CACNA2D1: variants seen among roughly 807,000 people sequenced by gnomAD.
CACNA2D1 encodes the protein voltage-dependent calcium channel subunit alpha-2/delta-1.
CACNA2D1 carries 53 observed loss-of-function variants against 171.5 expected under a neutral mutation model. The ratio of observed to expected loss-of-function variants is 0.31; its 90% CI spans 0.25 to 0.39. The LOEUF is 0.39. Among genes scored for constraint, CACNA2D1 ranks in the 10% least tolerant of loss-of-function variants. CACNA2D1 has a pLI of 1.00. For synonymous variants in CACNA2D1, 442 were observed against 443.1 expected, an observed-to-expected ratio of 1.00 and a Z score of 0.03; for missense variants, 903 against 1,299.8, an observed-to-expected ratio of 0.69 and a Z score of 4.69.
At chr7:82,378,302 G>A (rs1305509507) in intron 1 of CACNA2D1, among the ~76,000 whole-genome samples, 2 of 152,152 alleles carry the variant, frequency 1.3e-5, no homozygotes, top group African/African-American at 4.8e-5. Context: ...AGAAGGCTGA[G>A]GCAGGAGGAT....
chr7:82,160,873 C>T (rs1794880768), intron 4 of CACNA2D1, among the ~76,000 whole-genome samples: 1 of 152,040 alleles, frequency 6.6e-6, no homozygotes, highest in Non-Finnish European at 1.5e-5. Context: ...TATGTGTATG[C>T]TGGGTCACTA....
intron 3 of CACNA2D1, among the ~76,000 whole-genome samples, chr7:82,325,987 G>A (rs1425105972): frequency 1.3e-5 from 2 of 152,004 alleles, no homozygotes; most frequent in Non-Finnish European, 2.9e-5. Flanking sequence ...TGTCTCAATT[G>A]CCCCATGACA....
At chr7:82,397,308 ATT>A (rs1400002727) in intron 1 of CACNA2D1, among the ~76,000 whole-genome samples, 1 of 152,168 alleles carries the variant, frequency 6.6e-6, no homozygotes, top group Non-Finnish European at 1.5e-5. Flanking sequence ...AAAATTGAAT[ATT>A]CTTATATGAA....
intron 7 of CACNA2D1, among the ~76,000 whole-genome samples, chr7:82,083,244 G>C (rs916914910): frequency 3.3e-5 from 5 of 151,946 alleles, no homozygotes; most frequent in Non-Finnish European, 5.9e-5. Context: ...GTAAGTTACT[G>C]ACAAATATAT....
intron 2 of CACNA2D1, among the ~76,000 whole-genome samples, chr7:82,339,255 G>C (rs893288571): frequency 1.3e-5 from 2 of 152,164 alleles, no homozygotes; most frequent in African/African-American, 4.8e-5. Context: ...GAGAATGTCA[G>C]CTCATAAGCA....
At chr7:82,313,770 G>A (rs1452438066) in intron 3 of CACNA2D1, among the ~76,000 whole-genome samples, 1 of 152,142 alleles carries the variant, frequency 6.6e-6, no homozygotes, top group Non-Finnish European at 1.5e-5. Flanking sequence ...GGGCAAAGTG[G>A]AAACTTTCCC....
intron 7 of CACNA2D1, among the ~76,000 whole-genome samples, chr7:82,066,790 C>T (rs949489470): frequency 7.9e-5 from 12 of 152,028 alleles, no homozygotes; most frequent in Non-Finnish European, 1.8e-4. Flanking sequence ...TTTCCGGGTG[C>T]TAACTTAATA....
At chr7:82,232,104 C>G (rs1803004310) in intron 3 of CACNA2D1, among the ~76,000 whole-genome samples, 1 of 152,032 alleles carries the variant, frequency 6.6e-6, no homozygotes, top group Non-Finnish European at 1.5e-5. Context: ...AGAATAAATA[C>G]TCAGCAATAG....
intron 31 of CACNA2D1, 25 bp downstream of exon 31, chr7:81,967,144 A>G: frequency 2.5e-6 from 4 of 1,573,088 alleles, no homozygotes; most frequent in Non-Finnish European, 3.5e-6. Flanking sequence ...TTGTACTCAA[A>G]AGTGATTTTA....
intron 1 of CACNA2D1, among the ~76,000 whole-genome samples, chr7:82,393,449 A>C (rs2129450934): frequency 6.6e-6 from 1 of 152,282 alleles, no homozygotes; most frequent in African/African-American, 2.4e-5. Context: ...ACAAAAATAA[A>C]AGCTAATAAG....
chr7:82,131,230 CTG>C (rs1406112460), intron 5 of CACNA2D1, among the ~76,000 whole-genome samples: 1 of 152,166 alleles, frequency 6.6e-6, no homozygotes, highest in African/African-American at 2.4e-5. Context: ...TAACTAATAA[CTG>C]AGTCTCAGCT....
At chr7:82,132,258 G>A (rs1209770946) in intron 5 of CACNA2D1, among the ~76,000 whole-genome samples, 1 of 152,218 alleles carries the variant, frequency 6.6e-6, no homozygotes, top group African/African-American at 2.4e-5. Context: ...AGATGAATGA[G>A]TAGAGTGTTT....
intron 1 of CACNA2D1, among the ~76,000 whole-genome samples, chr7:82,407,181 T>G (rs1275287466): frequency 6.6e-6 from 1 of 152,220 alleles, no homozygotes; most frequent in Non-Finnish European, 1.5e-5. Flanking sequence ...CTGTGACATC[T>G]GCTTACCAGA....
intron 4 of CACNA2D1, among the ~76,000 whole-genome samples, chr7:82,161,422 A>T (rs1794935165): frequency 1.3e-5 from 2 of 152,062 alleles, no homozygotes; most frequent in African/African-American, 4.8e-5. Context: ...TAATTTGATT[A>T]ATAATCTCAA....
intron 1 of CACNA2D1, among the ~76,000 whole-genome samples, chr7:82,401,001 A>G (rs926318829): frequency 2.0e-5 from 3 of 152,184 alleles, no homozygotes; most frequent in Non-Finnish European, 2.9e-5. Context: ...CAAAACCACA[A>G]TGAGATACCA....
rs148081332 is a variant in CACNA2D1 at position 82,094,224 on chromosome 7, T to A, written c.527-9324A>T. Among the ~76,000 whole-genome samples the A allele has an allele frequency of 4.2e-3, 564 of 135,724 alleles. 3 individuals carry two copies. The highest frequency in any genetic ancestry group is 7.2e-3 in the Non-Finnish European group (461 of 64,184). 89.0% of individuals were successfully genotyped at this position (135,724 alleles called of 152,430 possible). A position where few individuals can be genotyped will look rare whatever the true frequency, so the allele number is the denominator to read the frequency against. ...GTGACCCGTTGGTTTAAACATGTAC[T>A]GCTTCAGAATGAAAAGAAAAAAAAA... On this transcript the variant is annotated intron_variant, in intron 6 of 38. Coordinates refer to ENST00000356860, the MANE Select transcript of CACNA2D1 (RefSeq NM_000722.4).
intron 28 of CACNA2D1, 38 bp from the exon 29 acceptor site, chr7:81,969,011 TATATTGAATA>T: frequency 9.2e-7 from 1 of 1,081,794 alleles, no homozygotes; most frequent in Non-Finnish European, 1.4e-6. Flanking sequence ...CCTATCAAGA[TATATTGAATA>T]ATAATATTGA....
chr7:82,312,116 T>A (rs1178841912), intron 3 of CACNA2D1, among the ~76,000 whole-genome samples: 3 of 152,210 alleles, frequency 2.0e-5, no homozygotes, highest in African/African-American at 2.4e-5. Flanking sequence ...ATATGACTAA[T>A]CATTATCCTT....
In CACNA2D1 at chr7:82,060,224, T is replaced by C. The variant is rs867059401; in HGVS notation, c.879+204A>G. Reference sequence around the variant, plus strand: ...TATTATATATATAATATATATATAATATATATATATAATATGTATAAAAAA... The same window carrying C: ...TATTATATATATAATATATATATAACATATATATATAATATGTATAAAAAA... On this transcript the variant is annotated intron_variant, in intron 10 of 38. Coordinates refer to ENST00000356860, the MANE Select transcript of CACNA2D1 (RefSeq NM_000722.4). Among the ~76,000 whole-genome samples, 2 of 56,648 alleles carry C rather than the reference T, an allele frequency of 3.5e-5. 1 individual carries two copies. Among genetic ancestry groups the C allele is most frequent in the Non-Finnish European group, 6.4e-5 (2 of 31,398 alleles). 37.2% of individuals were successfully genotyped at this position (56,648 alleles called of 152,430 possible). A position where few individuals can be genotyped will look rare whatever the true frequency, so the allele number is the denominator to read the frequency against.
Sources: allele counts gnomAD v4.1 joint callset (sites outside exome capture counted in the v4.1 genomes callset), GRCh38; gene constraint gnomAD v4.1.1; transcripts MANE v1.5; gene names NCBI Gene and HGNC (gene_info 2026-07-23, HGNC 2026-07-21).